The following PPP3CB variants were observed in gnomAD, a reference collection of about 807,000 sequenced individuals.
The protein encoded by PPP3CB is protein phosphatase 3 catalytic subunit beta.
PPP3CB carries 8 observed loss-of-function variants against 66.4 expected under a neutral mutation model. That is an observed-to-expected ratio of 0.12 (90% CI 0.07 to 0.22). The LOEUF (loss-of-function observed/expected upper bound fraction) is 0.22. Ranked by LOEUF, PPP3CB falls within the 10% of genes least tolerant of loss-of-function variation. The pLI is 1.00. For synonymous variants in PPP3CB, 208 were observed against 221.2 expected (o/e 0.94, Z 0.53); for missense variants, 319 against 642.5 (o/e 0.50, Z 5.44).
At chr10:73,465,581 G>A (rs2056606765) in intron 9 of PPP3CB, among the ~76,000 whole-genome samples, 1 of 152,068 alleles carries the variant, frequency 6.6e-6, no homozygotes, top group African/African-American at 2.4e-5. Context: ...AAATAGTGGG[G>A]GTTTTAGCTC....
At chr10:73,468,043 T>C (rs1016689815) in intron 8 of PPP3CB, among the ~76,000 whole-genome samples, 38 of 152,292 alleles carry the variant, frequency 2.5e-4, no homozygotes, top group African/African-American at 8.9e-4. Flanking sequence ...AGCAATTTTC[T>C]AGGTTTTTAA....
At chr10:73,446,630 C>T in intron 10 of PPP3CB, 57 bp from the exon 11 acceptor site, 2 of 1,490,100 alleles carry the variant, frequency 1.3e-6, no homozygotes, top group South Asian at 1.1e-5. Flanking sequence ...TGCATGCTTA[C>T]AATATTCTAT....
At position 73,479,324 on chromosome 10, in the gene PPP3CB, T is replaced by C. The variant is rs1232437944; in HGVS notation, c.279A>G (p.Pro93=). 5 of 1,613,710 alleles carry C rather than the reference T, an allele frequency of 3.1e-6. No homozygotes were observed. The highest frequency in any genetic ancestry group is 4.2e-6 in the Non-Finnish European group (5 of 1,179,594). ...AAACATGAATAAGCTTACCTGTGAT[T>C]GGAGCTTCTACTTCTATCATGGTTT... ...REKTMIEVEA[P]ITVCGDIHGQ... Residue 93 remains proline (P), a synonymous_variant, in exon 2 of 14, where the codon CCA becomes CCG. Coordinates refer to ENST00000360663, the MANE Select transcript of PPP3CB (RefSeq NM_021132.4).
At chr10:73,464,369 G>C (rs1356434388) in intron 9 of PPP3CB, among the ~76,000 whole-genome samples, 1 of 151,996 alleles carries the variant, frequency 6.6e-6, no homozygotes, top group African/African-American at 2.4e-5. Context: ...ACTTGTATCT[G>C]TATTTCCTTG....
chr10:73,476,129 G>C (rs1412867341), intron 3 of PPP3CB, among the ~76,000 whole-genome samples: 1 of 151,636 alleles, frequency 6.6e-6, no homozygotes, highest in Non-Finnish European at 1.5e-5. Context: ...CCTGTGCTGC[G>C]ATTACAGGTG....
In PPP3CB at chr10:73,471,470, T is replaced by G; in HGVS notation, c.667A>C (p.Arg223=). The G allele has an allele frequency of 6.2e-7, 1 of 1,603,102 alleles. No homozygotes were observed. The highest frequency in any genetic ancestry group is 8.5e-7 in the Non-Finnish European group (1 of 1,176,136). The change falls in exon 5 of 14, where the codon AGA becomes CGA. Residue 223 remains arginine, a splice_region_variant and synonymous_variant. Coordinates refer to ENST00000360663, the MANE Select transcript of PPP3CB (RefSeq NM_021132.4). Reference sequence around the variant, plus strand: ...TCGGAAGTAAAATATATACTTACTCTCCTAATATCATCCAGTGTGTGTATT... The same window carrying G: ...TCGGAAGTAAAATATATACTTACTCGCCTAATATCATCCAGTGTGTGTATT... The part of the protein sequence containing the change: ...PEIHTLDDIR[R]LDRFKEPPAF...
rs1195708094 is a variant in PPP3CB, at chr10:73,450,388, G to A, written c.1187-3815C>T. The stretch of plus-strand genomic sequence containing the variant: ...AAATCAGGGAGTACAAATAAGGAAG[G>A]GAAATAAACCTATTTCCAGTAGCTC... On this transcript the variant is annotated intron_variant, in intron 10 of 13. Coordinates refer to ENST00000360663, the MANE Select transcript of PPP3CB (RefSeq NM_021132.4). 3.4e-5 allele frequency among the ~76,000 whole-genome samples: 5 copies of A among 149,214 alleles called. 1 individual carries two copies. The South Asian group carries it at 8.6e-4, about 26-fold the overall frequency.
At chr10:73,477,098 C>T (rs531696415) in intron 3 of PPP3CB, 6 of 507,290 alleles carry the variant, frequency 1.2e-5, no homozygotes, top group Non-Finnish European at 2.3e-5. Context: ...GGGCAAGTTA[C>T]TTAACCTCTC....
intron 9 of PPP3CB, among the ~76,000 whole-genome samples, chr10:73,463,388 C>T (rs1286760488): frequency 6.6e-6 from 1 of 152,226 alleles, no homozygotes; most frequent in Admixed American, 6.5e-5. Flanking sequence ...TATCAAAGTT[C>T]CAACTTCTCT....
At chr10:73,461,562 A>C (rs78862937) in intron 9 of PPP3CB, among the ~76,000 whole-genome samples, 2,442 of 152,208 alleles carry the variant, frequency 0.016, 67 homozygotes, top group African/African-American at 0.056. Context: ...TGTTTATTTT[A>C]TCCAATGCCT....
At chr10:73,474,103 C>T (rs1048392545) in intron 4 of PPP3CB, among the ~76,000 whole-genome samples, 6 of 151,942 alleles carry the variant, frequency 3.9e-5, no homozygotes, top group Non-Finnish European at 5.9e-5. Context: ...AGTACAATGG[C>T]GCGATCTCGG....
chr10:73,471,234 CA>C, intron 5 of PPP3CB, 25 bp from the exon 6 acceptor site: 1 of 1,572,458 alleles, frequency 6.4e-7, no homozygotes, highest in Non-Finnish European at 8.7e-7. Flanking sequence ...AAAGAAAGAA[CA>C]GAAGTAACTC....
At chr10:73,450,105 C>T (rs1416283267) in intron 10 of PPP3CB, among the ~76,000 whole-genome samples, 1 of 152,136 alleles carries the variant, frequency 6.6e-6, no homozygotes, top group Non-Finnish European at 1.5e-5. Flanking sequence ...GCCATCTTAG[C>T]TTTAAATATA....
intron 9 of PPP3CB, among the ~76,000 whole-genome samples, chr10:73,465,914 T>A (rs1812272998): frequency 6.6e-6 from 1 of 152,226 alleles, no homozygotes; most frequent in Non-Finnish European, 1.5e-5. Flanking sequence ...AGCTTTACAT[T>A]TTTAGAGAGA....
At chr10:73,490,251 C>T (rs1284012482) in intron 1 of PPP3CB, among the ~76,000 whole-genome samples, 1 of 152,150 alleles carries the variant, frequency 6.6e-6, no homozygotes, top group Non-Finnish European at 1.5e-5. Flanking sequence ...TCATCACTAC[C>T]TCCTTTGAAC....
intron 11 of PPP3CB, 54 bp downstream of exon 11, chr10:73,446,438 G>C: frequency 1.3e-6 from 2 of 1,525,358 alleles, no homozygotes; most frequent in East Asian, 4.5e-5. Context: ...CTTGTAACAA[G>C]GTACAATAAA....
At chr10:73,453,938 GA>G (rs2056384357) in intron 10 of PPP3CB, among the ~76,000 whole-genome samples, 1 of 152,278 alleles carries the variant, frequency 6.6e-6, no homozygotes, top group Admixed American at 6.5e-5. Context: ...TTCAGAATCT[GA>G]AACTAAATTA....
chr10:73,454,511 C>T, intron 9 of PPP3CB, 22 bp from the exon 10 acceptor site: 1 of 1,551,264 alleles, frequency 6.4e-7, no homozygotes, highest in Non-Finnish European at 8.9e-7. Flanking sequence ...AAAAAAGTTA[C>T]ATGTTAGCTG....
intron 1 of PPP3CB, among the ~76,000 whole-genome samples, chr10:73,482,202 A>ATT (rs200623450): frequency 0.047 from 6,914 of 145,708 alleles, 484 homozygotes; most frequent in African/African-American, 0.16. Context: ...AGGTCAGAGA[A>ATT]TTTTTTTTTT....
Sources: gnomAD v4.1 joint callset for allele counts (sites outside exome capture counted in the v4.1 genomes callset) on GRCh38, gnomAD v4.1.1 for gene constraint, MANE v1.5 for transcripts, NCBI Gene and HGNC (gene_info 2026-07-23, HGNC 2026-07-21) for gene names.